Variants in SASS6 observed in about 807,000 individuals in gnomAD.
SASS6 encodes SAS-6 centriolar assembly protein, also known as spindle assembly abnormal protein 6 homolog.
SASS6 carries 59 observed loss-of-function variants against 94.9 expected under a neutral mutation model. That is an observed-to-expected ratio of 0.62 (90% CI 0.50 to 0.77). SASS6 has a LOEUF of 0.77. Ranked by LOEUF, SASS6 falls within the 30% of genes least tolerant of loss-of-function variation. The pLI, the probability that SASS6 is intolerant of heterozygous loss-of-function variation, is 0.00. For missense variants in SASS6, 698 were observed against 734.1 expected (o/e 0.95, Z 0.57); for synonymous variants, 264 against 270.0 (o/e 0.98, Z 0.22).
chr1:100,095,015 T>C (rs1273951235), intron 14 of SASS6, among the ~76,000 whole-genome samples: 1 of 152,006 alleles, frequency 6.6e-6, no homozygotes, highest in Non-Finnish European at 1.5e-5. Flanking sequence ...TGATAAAAGA[T>C]AAGCCACATG....
chr1:100,085,512 A>G, intron 16 of SASS6, 24 bp downstream of exon 16: 1 of 1,594,544 alleles, frequency 6.3e-7, no homozygotes, highest in Non-Finnish European at 8.6e-7. Flanking sequence ...TATAAAGTAC[A>G]AAAATCCAGA....
At chr1:100,101,718 A>C (rs1652507282) in intron 14 of SASS6, among the ~76,000 whole-genome samples, 1 of 152,240 alleles carries the variant, frequency 6.6e-6, no homozygotes, top group Non-Finnish European at 1.5e-5. Flanking sequence ...AATTCTCCTT[A>C]ATAAGCAATG....
chr1:100,115,344 T>C (rs1653712389), intron 7 of SASS6, among the ~76,000 whole-genome samples: 1 of 152,022 alleles, frequency 6.6e-6, no homozygotes, highest in African/African-American at 2.4e-5. Flanking sequence ...CCAAAAACAC[T>C]GTTTAACAAG....
chr1:100,085,613 A>G lies in SASS6; in HGVS notation c.1790T>C (p.Leu597Ser). 6 of 1,608,990 alleles carry G rather than the reference A, an allele frequency of 3.7e-6. No homozygotes were observed. The highest frequency in any genetic ancestry group is 5.1e-6 in the Non-Finnish European group (6 of 1,176,100). ...CCTTTTCTTCAGGTATTTGGATTCC[A>G]ACCCTACATTTTCACCACTTAAAAA... ...TDKENGENVG[L>S]ESKYLKKRED... Residue 597 changes from leucine to serine, a missense_variant, in exon 16 of 17, where the codon TTG becomes TCG. Physicochemically the swap from Leu to Ser is moderately radical, Grantham distance 145. Coordinates refer to ENST00000287482, the MANE Select transcript of SASS6 (RefSeq NM_194292.3).
intron 12 of SASS6, among the ~76,000 whole-genome samples, chr1:100,106,245 T>TA (rs762010568): frequency 1.3e-5 from 2 of 152,226 alleles, no homozygotes; most frequent in Middle Eastern, 3.2e-3. Context: ...AAATGTTAGT[T>TA]AAAATCTTAT....
intron 1 of SASS6, among the ~76,000 whole-genome samples, chr1:100,132,258 T>C (rs955416905): frequency 6.6e-6 from 1 of 152,154 alleles, no homozygotes; most frequent in Non-Finnish European, 1.5e-5. Flanking sequence ...TTAAAGCAAC[T>C]GATGTGAAGA....
chr1:100,094,940 A>G, intron 14 of SASS6, among the ~76,000 whole-genome samples: 1 of 152,142 alleles, frequency 6.6e-6, no homozygotes, highest in East Asian at 1.9e-4. Context: ...CACCATGACC[A>G]AGTGAAGTTT....
chr1:100,120,330 T>A, intron 6 of SASS6, 64 bp downstream of exon 6: 2 of 770,868 alleles, frequency 2.6e-6, no homozygotes. Context: ...TGGAACTGAG[T>A]CAAGGAAGCA....
chr1:100,112,390 C>T (rs1202736841), intron 7 of SASS6, among the ~76,000 whole-genome samples: 1 of 152,048 alleles, frequency 6.6e-6, no homozygotes, highest in African/African-American at 2.4e-5. Flanking sequence ...ATGGGTGATT[C>T]TACGTGTTGC....
chr1:100,097,386 A>G (rs140686808), intron 14 of SASS6, among the ~76,000 whole-genome samples: 5 of 152,358 alleles, frequency 3.3e-5, no homozygotes, highest in African/African-American at 1.2e-4. Context: ...CCAAAAACTT[A>G]AAACAACTCA....
chr1:100,092,944 T>G (rs1284227674), intron 14 of SASS6, among the ~76,000 whole-genome samples: 1 of 151,990 alleles, frequency 6.6e-6, no homozygotes, highest in Non-Finnish European at 1.5e-5. Flanking sequence ...ATGTCTCCAA[T>G]GTATGCAGAT....
Position 100,106,936 on chromosome 1 carries a change from G to T in SASS6, c.1384C>A (p.Gln462Lys). 2 of 1,391,710 alleles carry T rather than the reference G, an allele frequency of 1.4e-6. No homozygotes were observed. The highest frequency in any genetic ancestry group is 2.0e-6 in the Non-Finnish European group (2 of 982,640). The allele number at this position is 1,391,710 out of a possible 1,614,324, so 86.2% of individuals were successfully genotyped here. A position where few individuals can be genotyped will look rare whatever the true frequency, so the allele number is the denominator to read the frequency against. Reference sequence around the variant, plus strand: ...CACTTTTCATTATTTTTTAGAAGTTGTTTGCTTTCTTCAAGTTTTTTAACT... The same window carrying T: ...CACTTTTCATTATTTTTTAGAAGTTTTTTGCTTTCTTCAAGTTTTTTAACT... ...ATVKKLEESK[Q>K]LLKNNEKLIT... Residue 462 changes from glutamine (Q) to lysine (K), a missense_variant, in exon 12 of 17, where the codon CAA becomes AAA. Gln to Lys is a moderately conservative substitution (Grantham distance 53). Coordinates refer to ENST00000287482, the MANE Select transcript of SASS6 (RefSeq NM_194292.3).
intron 13 of SASS6, among the ~76,000 whole-genome samples, chr1:100,103,446 C>G (rs1331703396): frequency 2.6e-5 from 4 of 152,148 alleles, no homozygotes; most frequent in Non-Finnish European, 5.9e-5. Context: ...TAAAATAAAA[C>G]TAATTTTCTG....
intron 1 of SASS6, among the ~76,000 whole-genome samples, chr1:100,126,266 T>C (rs915096380): frequency 2.0e-5 from 3 of 152,192 alleles, no homozygotes; most frequent in Admixed American, 2.0e-4. Flanking sequence ...TAAAGTAACA[T>C]CTATTGAAAG....
chr1:100,119,135 T>C lies in SASS6; in HGVS notation c.552A>G (p.Thr184=), dbSNP rs763051425. The stretch of plus-strand genomic sequence containing the variant: ...CTAATTCTTGTTTTTTTTCTGCTAA[T>C]GTCTACATTAGAGTTTAACACAAAA... ...ATKQLDFTRK[T]LAEKKQELDK... Residue 184 remains threonine (T), a splice_region_variant and synonymous_variant, in exon 7 of 17, where the codon ACA becomes ACG. Transcript: ENST00000287482. 1.7e-5 allele frequency: 26 copies of C among 1,544,462 alleles called. 1 individual carries two copies. In the South Asian group the frequency reaches 3.0e-4, roughly 18 times the overall value.
chr1:100,118,991 T>C, intron 7 of SASS6, 27 bp downstream of exon 7: 1 of 1,470,018 alleles, frequency 6.8e-7, no homozygotes, highest in Non-Finnish European at 9.1e-7. Flanking sequence ...TAAAAGATAT[T>C]TTTTCAGTTT....
chr1:100,101,023 TATC>T (rs1652442415), intron 14 of SASS6, among the ~76,000 whole-genome samples: 1 of 152,246 alleles, frequency 6.6e-6, no homozygotes, highest in East Asian at 1.9e-4. Flanking sequence ...ACAGAGCACT[TATC>T]ATGAACCAGG....
chr1:100,108,326 G>C (rs1174101609), intron 8 of SASS6, among the ~76,000 whole-genome samples: 1 of 151,986 alleles, frequency 6.6e-6, no homozygotes, highest in Non-Finnish European at 1.5e-5. Context: ...GGTAACCACG[G>C]GTGAGAGCCG....
In SASS6 at chr1:100,085,584, C is replaced by T; in HGVS notation, c.1819G>A (p.Asp607Asn). ...LESKYLKKREDSIPLRGLSQN... is the reference protein window; with the variant it reads ...LESKYLKKRENSIPLRGLSQN... The stretch of plus-strand genomic sequence containing the variant: ...CTGAGTCCGCGTAAAGGAATGCTAT[C>T]TTCCCTTTTCTTCAGGTATTTGGAT... The change falls in exon 16 of 17, where the codon GAT (aspartate) becomes AAT (asparagine). Residue 607 changes from aspartate to asparagine, a missense_variant. Transcript: ENST00000287482. 1.9e-6 allele frequency: 3 copies of T among 1,613,054 alleles called. No homozygotes were observed. Among genetic ancestry groups the T allele is most frequent in the Non-Finnish European group, 2.5e-6 (3 of 1,179,238 alleles).
Sources: allele counts gnomAD v4.1 joint callset (sites outside exome capture counted in the v4.1 genomes callset), GRCh38; gene constraint gnomAD v4.1.1; transcripts MANE v1.5; gene names NCBI Gene and HGNC (gene_info 2026-07-23, HGNC 2026-07-21).